GREB1L: variants seen among roughly 807,000 people sequenced by gnomAD.
The protein encoded by GREB1L is GREB1 like retinoic acid receptor coactivator, also known as GREB1-like protein.
A neutral mutation model predicts 200.8 loss-of-function variants in GREB1L; 17 were observed. The ratio of observed to expected loss-of-function variants is 0.08; its 90% CI spans 0.06 to 0.13. The LOEUF (loss-of-function observed/expected upper bound fraction) is 0.13, where lower values mean the gene tolerates loss of function less well. Among genes scored for constraint, GREB1L ranks in the 10% least tolerant of loss-of-function variants. The pLI is 1.00. For synonymous variants in GREB1L, 789 were observed against 893.0 expected, an observed-to-expected ratio of 0.88 and a Z score of 2.08; for missense variants, 1,657 against 2,367.7, an observed-to-expected ratio of 0.70 and a Z score of 6.23.
At chr18:21,321,772 G>T (rs185473729) in intron 1 of GREB1L, among the ~76,000 whole-genome samples, 4 of 152,272 alleles carry the variant, frequency 2.6e-5, no homozygotes, top group Admixed American at 2.6e-4. Flanking sequence ...AATAATTTGT[G>T]CATTAATGGA....
At chr18:21,286,051 AACAT>A (rs1398185649) in intron 1 of GREB1L, among the ~76,000 whole-genome samples, 1 of 152,242 alleles carries the variant, frequency 6.6e-6, no homozygotes, top group Non-Finnish European at 1.5e-5. Context: ...AAATGCAAGA[AACAT>A]AAATAACTAG....
At chr18:21,437,787 G>A (rs1168793362) in intron 7 of GREB1L, among the ~76,000 whole-genome samples, 2 of 152,154 alleles carry the variant, frequency 1.3e-5, no homozygotes, top group African/African-American at 2.4e-5. Context: ...ACTAAATTCA[G>A]TATGTGCATC....
At chr18:21,359,612 A>G (rs1241883208) in intron 1 of GREB1L, among the ~76,000 whole-genome samples, 1 of 152,248 alleles carries the variant, frequency 6.6e-6, no homozygotes, top group Non-Finnish European at 1.5e-5. Context: ...GTATAGTGTC[A>G]CGACTTGAGG....
At chr18:21,307,338 G>A (rs2038716700) in intron 1 of GREB1L, among the ~76,000 whole-genome samples, 1 of 152,320 alleles carries the variant, frequency 6.6e-6, no homozygotes, top group Middle Eastern at 3.4e-3. Context: ...GGGGCTGACC[G>A]ACTTGGCCTG....
Position 21,437,011 on chromosome 18 carries a change from A to G in GREB1L, c.833-2510A>G, listed in dbSNP as rs564245126. Among the ~76,000 whole-genome samples the G allele has an allele frequency of 2.0e-5, 3 of 152,254 alleles. No homozygotes were observed. The East Asian group carries it at 5.8e-4, about 29-fold the overall frequency. ...CAGGCATGACCCATGGCACCCAGCC[A>G]AGTTTAGTGGTAGAAGAAATTTTAA... On this transcript the variant is annotated intron_variant, in intron 7 of 32. Coordinates refer to ENST00000424526, the MANE Select transcript of GREB1L (RefSeq NM_001142966.3).
rs1348107211 is a variant in GREB1L at position 21,490,025 on chromosome 18, C to T, written c.2704C>T (p.His902Tyr). The T allele has an allele frequency of 6.4e-7, 1 of 1,551,104 alleles. No individual in the cohort carries two copies. Among genetic ancestry groups the T allele is most frequent in the African/African-American group, 1.4e-5 (1 of 73,038 alleles). Residue 902 changes from histidine to tyrosine, a missense_variant, in exon 19 of 33, where the codon CAC becomes TAC. By Grantham distance (83) the His-to-Tyr change is moderately conservative (BLOSUM62 2). This residue lies in a region of GREB1L where 82 missense variants were observed against 95.9 expected (regional missense o/e 0.85). Transcript: ENST00000424526. ...TTTCTGTTGAAGGTACCCCAGGCTG[C>T]ACAGCATGGTCGTCCGCTGCTATCT... ...NTLLERYPRL[H>Y]SMVVRCYLLI...
intron 2 of GREB1L, among the ~76,000 whole-genome samples, chr18:21,370,704 A>G (rs2039839767): frequency 6.6e-6 from 1 of 152,218 alleles, no homozygotes; most frequent in Non-Finnish European, 1.5e-5. Flanking sequence ...AGAACTTAAG[A>G]AATCTTTTAT....
At position 21,356,847 on chromosome 18, in the gene GREB1L, C is replaced by T. The variant is rs1413269428; in HGVS notation, c.-119-9180C>T. ...CTCTCCAACACCTGTTATCTTTCATCTTTTTTATAATAGCCATTCTAACAG... is the reference window on the plus strand; with the variant it reads ...CTCTCCAACACCTGTTATCTTTCATTTTTTTTATAATAGCCATTCTAACAG... On this transcript the variant is annotated intron_variant, in intron 1 of 32. Coordinates refer to ENST00000424526, the MANE Select transcript of GREB1L (RefSeq NM_001142966.3). 3.3e-5 allele frequency among the ~76,000 whole-genome samples: 5 copies of T among 152,094 alleles called. No homozygotes were observed. The East Asian group carries it at 9.7e-4, about 29-fold the overall frequency.
chr18:21,452,227 T>C lies in GREB1L; in HGVS notation c.1984+10T>C. 1 of 1,550,644 alleles carries C rather than the reference T, an allele frequency of 6.4e-7. No homozygotes were observed. The highest frequency in any genetic ancestry group is 2.0e-5 in the Admixed American group (1 of 50,862). On this transcript the variant is annotated intron_variant, in intron 14 of 32. Transcript: ENST00000424526. The stretch of plus-strand genomic sequence containing the variant: ...CCCACACAAAACCTGGGTAATGTCA[T>C]CTCAGACCAAGAGGAGGAAGTCAGT...
chr18:21,476,614 G>T (rs982460366), intron 16 of GREB1L, among the ~76,000 whole-genome samples: 1 of 151,968 alleles, frequency 6.6e-6, no homozygotes, highest in African/African-American at 2.4e-5. Flanking sequence ...GTGTTGCCCA[G>T]GCTGGAGCAC....
chr18:21,425,754 CAA>C (rs1317502687), intron 7 of GREB1L, among the ~76,000 whole-genome samples: 1 of 152,056 alleles, frequency 6.6e-6, no homozygotes, highest in Non-Finnish European at 1.5e-5. Flanking sequence ...TATTGATTTA[CAA>C]GAGTTTTTAA....
intron 1 of GREB1L, among the ~76,000 whole-genome samples, chr18:21,297,539 A>T (rs977006649): frequency 6.6e-6 from 1 of 152,144 alleles, no homozygotes; most frequent in Non-Finnish European, 1.5e-5. Flanking sequence ...GAAGGTCTTG[A>T]CAGAGACATA....
intron 1 of GREB1L, among the ~76,000 whole-genome samples, chr18:21,312,211 T>A (rs1182750148): frequency 6.6e-6 from 1 of 152,242 alleles, no homozygotes; most frequent in Non-Finnish European, 1.5e-5. Flanking sequence ...ACATTTTCTT[T>A]ATCCAGTTCT....
intron 1 of GREB1L, among the ~76,000 whole-genome samples, chr18:21,304,205 C>T (rs77193336): frequency 0.015 from 2,268 of 151,006 alleles, 59 homozygotes; most frequent in African/African-American, 0.052. Flanking sequence ...ACTTTCAAAT[C>T]TTCACTAGTT....
At chr18:21,329,170 C>T (rs557813188) in intron 1 of GREB1L, among the ~76,000 whole-genome samples, 46 of 151,862 alleles carry the variant, frequency 3.0e-4, no homozygotes, top group African/African-American at 8.0e-4. Context: ...ACTGAAAATA[C>T]GAAAATTAGC....
At chr18:21,309,962 T>G (rs901813674) in intron 1 of GREB1L, among the ~76,000 whole-genome samples, 1 of 152,166 alleles carries the variant, frequency 6.6e-6, no homozygotes, top group African/African-American at 2.4e-5. Flanking sequence ...GTTCTAAGGT[T>G]GAGAAACCCT....
chr18:21,368,054 A>C (rs1345731324), intron 2 of GREB1L, among the ~76,000 whole-genome samples: 1 of 152,256 alleles, frequency 6.6e-6, no homozygotes, highest in Non-Finnish European at 1.5e-5. Flanking sequence ...GAGAGAAAGC[A>C]TATATTACAA....
At chr18:21,469,894 C>A (rs2035412563) in intron 15 of GREB1L, among the ~76,000 whole-genome samples, 1 of 152,174 alleles carries the variant, frequency 6.6e-6, no homozygotes, top group Non-Finnish European at 1.5e-5. Flanking sequence ...TCCAGTGAGA[C>A]AAACCTCTCC....
intron 15 of GREB1L, among the ~76,000 whole-genome samples, chr18:21,471,280 C>CA (rs2145668090): frequency 6.6e-6 from 1 of 152,344 alleles, no homozygotes; most frequent in Non-Finnish European, 1.5e-5. Flanking sequence ...TGGCTTAACT[C>CA]ACGCTGCTTA....
Sources: allele counts gnomAD v4.1 joint callset (sites outside exome capture counted in the v4.1 genomes callset), GRCh38; gene constraint gnomAD v4.1.1; regional missense constraint gnomAD v4.1.1; transcripts MANE v1.5; gene names NCBI Gene and HGNC (gene_info 2026-07-23, HGNC 2026-07-21).